The following MCM8 variants were observed in gnomAD, a reference collection of about 807,000 sequenced individuals.
The protein encoded by MCM8 is DNA helicase MCM8.
A neutral mutation model predicts 98.9 loss-of-function variants in MCM8; 85 were observed. That is an observed-to-expected ratio of 0.86 (90% CI 0.72 to 1.03). The LOEUF (loss-of-function observed/expected upper bound fraction) is 1.03, where lower values mean the gene tolerates loss of function less well. Among genes scored for constraint, MCM8 ranks in the 50% least tolerant of loss-of-function variants. MCM8 has a pLI of 0.00. For missense variants in MCM8, 951 were observed against 997.8 expected (o/e 0.95, Z 0.63); for synonymous variants, 352 against 338.6 (o/e 1.04, Z -0.44).
At chr20:5,963,894 A>G (rs1034890463) in intron 8 of MCM8, among the ~76,000 whole-genome samples, 1 of 152,182 alleles carries the variant, frequency 6.6e-6, no homozygotes, top group African/African-American at 2.4e-5. Flanking sequence ...TCATTATGCA[A>G]ATATTGTGTC....
chr20:5,954,515 C>T (rs539581708), intron 3 of MCM8, 93 bp from the exon 4 acceptor site: 246 of 569,700 alleles, frequency 4.3e-4, no homozygotes, highest in Non-Finnish European at 6.3e-4. Flanking sequence ...AGAAAAAAAT[C>T]ATCTACCATG....
Position 5,957,338 on chromosome 20 carries a change from A to T in MCM8, c.590+109A>T, listed in dbSNP as rs543575026. 6 of 681,366 alleles carry T rather than the reference A, an allele frequency of 8.8e-6. No individual in the cohort carries two copies. The African/African-American group carries it at 9.1e-5, about 10-fold the overall frequency. The allele number at this position is 681,366 out of a possible 1,614,324, so 42.2% of individuals were successfully genotyped here. A position where few individuals can be genotyped will look rare whatever the true frequency, so the allele number is the denominator to read the frequency against. ...TGAGGAAATCAGTAAAAAGGACATG[A>T]GTTCCTTGCCATCTCATTGATCATC... is the stretch of plus-strand genomic sequence containing the variant. On this transcript the variant is annotated intron_variant, in intron 6 of 18. Coordinates refer to ENST00000610722, the MANE Select transcript of MCM8 (RefSeq NM_032485.6).
intron 13 of MCM8, among the ~76,000 whole-genome samples, chr20:5,979,000 G>A (rs1036490021): frequency 2.6e-5 from 4 of 152,204 alleles, no homozygotes; most frequent in South Asian, 4.1e-4. Context: ...TGTCACCTAA[G>A]TTTCTCTTTG....
chr20:5,962,253 G>T (rs1365549403), intron 7 of MCM8, among the ~76,000 whole-genome samples: 2 of 150,538 alleles, frequency 1.3e-5, no homozygotes, highest in African/African-American at 4.8e-5. Context: ...TTGTGAGCTA[G>T]TCTCAGAAGT....
At chr20:5,971,894 T>G in intron 10 of MCM8, 113 bp from the exon 11 acceptor site, 1 of 833,058 alleles carries the variant, frequency 1.2e-6, no homozygotes, top group Non-Finnish European at 1.9e-6. Context: ...GGATGTAAAT[T>G]TTTTACATTT....
chr20:5,995,955 A>G lies in MCM8; in HGVS notation c.*1564A>G, dbSNP rs2089951389. Reference sequence around the variant, plus strand: ...GTGGAGACTATTGCCATAGACCACAATGTAAATTTTTAAGTGAGGAAGGAA... The same window carrying G: ...GTGGAGACTATTGCCATAGACCACAGTGTAAATTTTTAAGTGAGGAAGGAA... On this transcript the variant is annotated 3_prime_UTR_variant, in exon 19 of 19. Coordinates refer to ENST00000610722, the MANE Select transcript of MCM8 (RefSeq NM_032485.6). 6.6e-6 allele frequency: 1 copy of G among 152,280 alleles called. No homozygotes were observed. The highest frequency in any genetic ancestry group is 1.5e-5 in the Non-Finnish European group (1 of 68,084). 9.4% of individuals were successfully genotyped at this position (152,280 alleles called of 1,614,324 possible). A position where few individuals can be genotyped will look rare whatever the true frequency, so the allele number is the denominator to read the frequency against.
At chr20:5,973,383 T>A (rs1312139636) in intron 12 of MCM8, among the ~76,000 whole-genome samples, 187 bp downstream of exon 12, 1 of 152,238 alleles carries the variant, frequency 6.6e-6, no homozygotes, top group East Asian at 1.9e-4. Context: ...TGAGCCAGTC[T>A]CCTGTTACAG....
chr20:5,954,981 A>G lies in MCM8; in HGVS notation c.337-121A>G, dbSNP rs999989275. On this transcript the variant is annotated intron_variant, in intron 4 of 18. Coordinates refer to ENST00000610722, the MANE Select transcript of MCM8 (RefSeq NM_032485.6). Reference sequence around the variant, plus strand: ...TTGGCACAAAGCTTATACTTATGTCATACTTACCATTATCACATATAAACA... The same window carrying G: ...TTGGCACAAAGCTTATACTTATGTCGTACTTACCATTATCACATATAAACA... The G allele has an allele frequency of 8.6e-5, 61 of 706,742 alleles. 1 individual carries two copies. The South Asian group carries it at 1.2e-3, about 14-fold the overall frequency. 43.8% of individuals were successfully genotyped at this position (706,742 alleles called of 1,614,324 possible). A position where few individuals can be genotyped will look rare whatever the true frequency, so the allele number is the denominator to read the frequency against.
intron 1 of MCM8, 117 bp from the exon 2 acceptor site, chr20:5,951,894 C>G: frequency 1.7e-6 from 2 of 1,167,894 alleles, no homozygotes; most frequent in Non-Finnish European, 2.3e-6. Context: ...CTTTGCAAGC[C>G]TGTTTGCTAC....
At chr20:5,970,711 A>G (rs1478712211) in intron 10 of MCM8, among the ~76,000 whole-genome samples, 2 of 152,194 alleles carry the variant, frequency 1.3e-5, no homozygotes, top group Admixed American at 6.5e-5. Context: ...AAAAGGGAAT[A>G]AAGACTCATG....
intron 17 of MCM8, among the ~76,000 whole-genome samples, chr20:5,988,096 GT>G (rs1018512939): frequency 5.3e-5 from 8 of 151,830 alleles, no homozygotes; most frequent in African/African-American, 1.9e-4. Context: ...ATTTTGGGTA[GT>G]TTTTTTTATT....
In MCM8 at chr20:5,996,879, C is replaced by G. The variant is rs930265640; in HGVS notation, c.*2488C>G. ...CATTACAGTCCCTCCAACCACAAAC[C>G]CCAACATATAGTATTTCACTTCCTG... On this transcript the variant is annotated 3_prime_UTR_variant, in exon 19 of 19. Transcript: ENST00000610722. 6.6e-6 allele frequency: 1 copy of G among 152,212 alleles called. No individual in the cohort carries two copies. Among genetic ancestry groups the G allele is most frequent in the African/African-American group, 2.4e-5 (1 of 41,452 alleles). The allele number at this position is 152,212 out of a possible 1,614,324, so 9.4% of individuals were successfully genotyped here. A position where few individuals can be genotyped will look rare whatever the true frequency, so the allele number is the denominator to read the frequency against.
Position 5,994,523 on chromosome 20 carries a change from AG to A in MCM8, c.*133del. 1 of 580,518 alleles carries A rather than the reference AG, an allele frequency of 1.7e-6. No homozygotes were observed. Among genetic ancestry groups the A allele is most frequent in the African/African-American group, 1.9e-5 (1 of 51,322 alleles). 36.0% of individuals were successfully genotyped at this position (580,518 alleles called of 1,614,324 possible). On this transcript the variant is annotated 3_prime_UTR_variant, in exon 19 of 19. Transcript: ENST00000610722. ...CACACACACACACACACACACACAC[AG>A]TCAAATACTGTTCTCTGAAAAATGA...
rs777623362 is a variant in MCM8 at position 5,952,478 on chromosome 20, C to T, written c.203C>T (p.Thr68Ile). 1.9e-6 allele frequency: 3 copies of T among 1,614,020 alleles called. No homozygotes were observed. The highest frequency in any genetic ancestry group is 2.2e-5 in the South Asian group (2 of 91,074). Residue 68 changes from threonine (T) to isoleucine (I), a missense_variant, in exon 3 of 19, where the codon ACA (threonine) becomes ATA (isoleucine). Coordinates refer to ENST00000610722, the MANE Select transcript of MCM8 (RefSeq NM_032485.6). ...AAGACCCCACAGTCAATGCAGTCAA[C>T]ATTGGATCGATTCATACCATATAAA... ...STKTPQSMQS[T>I]LDRFIPYKGW...
At chr20:5,966,682 T>A (rs934137046) in intron 8 of MCM8, among the ~76,000 whole-genome samples, 6 of 152,236 alleles carry the variant, frequency 3.9e-5, no homozygotes, top group Non-Finnish European at 8.8e-5. Flanking sequence ...AGACTTTACC[T>A]CTAAATACAA....
intron 12 of MCM8, among the ~76,000 whole-genome samples, chr20:5,974,468 C>T (rs763047799): frequency 6.6e-6 from 1 of 152,188 alleles, no homozygotes; most frequent in Non-Finnish European, 1.5e-5. Context: ...CTTCTTCACT[C>T]GATGTGGAAA....
chr20:5,981,004 TA>T (rs542111982), intron 13 of MCM8, among the ~76,000 whole-genome samples: 130 of 152,232 alleles, frequency 8.5e-4, no homozygotes, highest in Admixed American at 1.5e-3. Flanking sequence ...AACTGGCTTA[TA>T]TATTTTTAAA....
intron 7 of MCM8, among the ~76,000 whole-genome samples, chr20:5,962,037 C>G (rs2089156216): frequency 1.3e-5 from 2 of 152,214 alleles, no homozygotes; most frequent in African/African-American, 4.8e-5. Flanking sequence ...TGGCTCCAGG[C>G]CTCTCATGGA....
chr20:5,955,230 C>T lies in MCM8; in HGVS notation c.465C>T (p.Cys155=), dbSNP rs766436259. 3 of 1,613,100 alleles carry T rather than the reference C, an allele frequency of 1.9e-6. No homozygotes were observed. Among genetic ancestry groups the T allele is most frequent in the South Asian group, 2.2e-5 (2 of 90,644 alleles). ...ATGCACCTGAGAAAACCTTGGCTTG[C>T]ATGGGTTTGGCAATACATCAGGTAA... ...LRDAPEKTLA[C]MGLAIHQVLT... Residue 155 remains cysteine (C), a synonymous_variant, in exon 5 of 19, where the codon TGC becomes TGT. Transcript: ENST00000610722.
Sources: gnomAD v4.1 joint callset for allele counts (sites outside exome capture counted in the v4.1 genomes callset) on GRCh38, gnomAD v4.1.1 for gene constraint, MANE v1.5 for transcripts, NCBI Gene and HGNC (gene_info 2026-07-23, HGNC 2026-07-21) for gene names.